PCDHAC2: variants seen among roughly 807,000 people sequenced by gnomAD.
PCDHAC2 encodes the protein protocadherin alpha-C2.
PCDHAC2 carries 24 observed loss-of-function variants against 63.3 expected under a neutral mutation model. The ratio of observed to expected loss-of-function variants is 0.38; its 90% CI spans 0.27 to 0.53. PCDHAC2 has a LOEUF of 0.53. Among genes scored for constraint, PCDHAC2 ranks in the 20% least tolerant of loss-of-function variants. The pLI, the probability that PCDHAC2 is intolerant of heterozygous loss-of-function variation, is 0.81. For missense variants in PCDHAC2, 1,181 were observed against 1,275.2 expected (o/e 0.93, Z 1.12); for synonymous variants, 569 against 529.4 (o/e 1.07, Z -1.03).
Position 141,010,780 on chromosome 5 carries a change from TGCAAAA to T in PCDHAC2, c.*851_*856del, listed in dbSNP as rs1309288663. 1 of 153,816 alleles carries T rather than the reference TGCAAAA, an allele frequency of 6.5e-6. No homozygotes were observed. The highest frequency in any genetic ancestry group is 1.9e-4 in the East Asian group (1 of 5,188). The allele number at this position is 153,816 out of a possible 1,614,324, so 9.5% of individuals were successfully genotyped here. On this transcript the variant is annotated 3_prime_UTR_variant, in exon 4 of 4. Transcript: ENST00000289269. ...AGGCCAGATCCTTTTCCAATACTTATGCAAAAGCAAAAGAAAACCCCGACACCTCAC... is the reference window on the plus strand; with the variant it reads ...AGGCCAGATCCTTTTCCAATACTTATGCAAAAGAAAACCCCGACACCTCAC...
At position 140,967,413 on chromosome 5, in the gene PCDHAC2, A is replaced by C; in HGVS notation, c.647A>C (p.Asp216Ala). Reference protein sequence around the residue: ...VLELVLRKGLDREQAALHHLV... With the variant: ...VLELVLRKGLAREQAALHHLV... The stretch of plus-strand genomic sequence containing the variant: ...GAGCTGGTGCTGCGTAAGGGCCTAG[A>C]CCGGGAGCAGGCAGCCTTGCACCAC... Residue 216 changes from aspartate to alanine, a missense_variant, in exon 1 of 4, where the codon GAC becomes GCC. This residue lies in a region of PCDHAC2 where 968 missense variants were observed against 1,073.5 expected (regional missense o/e 0.90). Coordinates refer to ENST00000289269, the MANE Select transcript of PCDHAC2 (RefSeq NM_018899.6). 1 of 1,613,218 alleles carries C rather than the reference A, an allele frequency of 6.2e-7. No homozygotes were observed. The highest frequency in any genetic ancestry group is 8.5e-7 in the Non-Finnish European group (1 of 1,179,668).
chr5:141,002,656 C>T lies in PCDHAC2; in HGVS notation c.2714-6971C>T, dbSNP rs115710244. Among the ~76,000 whole-genome samples the T allele has an allele frequency of 3.7e-3, 571 of 152,302 alleles. 5 individuals are homozygous for T. The highest frequency in any genetic ancestry group is 0.013 in the African/African-American group (539 of 41,574). On this transcript the variant is annotated intron_variant, in intron 3 of 3. Coordinates refer to ENST00000289269, the MANE Select transcript of PCDHAC2 (RefSeq NM_018899.6). The stretch of plus-strand genomic sequence containing the variant: ...CTAGAAATGTCTACTTCATAGGGCT[C>T]TTGTCAGGACCAAAACCTATACGAC...
In PCDHAC2 at chr5:140,976,256, AAC is replaced by A. The variant is rs372931931; in HGVS notation, c.2566-2689_2566-2688del. On this transcript the variant is annotated intron_variant, in intron 1 of 3. Transcript: ENST00000289269. Reference sequence around the variant, plus strand: ...TGTCATTTCATGTAAATTTATTTAAAACACAGACTTTTGGCAAGGCACAGTGG... The same window carrying A: ...TGTCATTTCATGTAAATTTATTTAAAACAGACTTTTGGCAAGGCACAGTGG... Among the ~76,000 whole-genome samples the A allele has an allele frequency of 3.2e-3, 487 of 152,352 alleles. 7 individuals carry two copies. Among genetic ancestry groups the A allele is most frequent in the Middle Eastern group, 0.01 (3 of 294 alleles).
chr5:140,966,674 G>T lies in PCDHAC2; in HGVS notation c.-93G>T. 7.7e-7 allele frequency: 1 copy of T among 1,295,168 alleles called. No homozygotes were observed. The highest frequency in any genetic ancestry group is 3.8e-5 in the Admixed American group (1 of 26,438). 80.2% of individuals were successfully genotyped at this position (1,295,168 alleles called of 1,614,324 possible). A position where few individuals can be genotyped will look rare whatever the true frequency, so the allele number is the denominator to read the frequency against. ...AGCGGTGGGGGAGCAGGCGCAGGGT[G>T]GCACGAGCGGAGGCGGGGCCCGGGC... On this transcript the variant is annotated 5_prime_UTR_variant, in exon 1 of 4. Transcript: ENST00000289269.
At chr5:141,008,582 G>A (rs1554261823) in intron 3 of PCDHAC2, among the ~76,000 whole-genome samples, 1 of 152,130 alleles carries the variant, frequency 6.6e-6, no homozygotes. Context: ...CCAAGACTCA[G>A]GGCAGATTTC....
intron 3 of PCDHAC2, among the ~76,000 whole-genome samples, chr5:140,999,654 C>T (rs180994815): frequency 1.3e-3 from 194 of 152,238 alleles, no homozygotes; most frequent in African/African-American, 4.4e-3. Context: ...AGCCTGAGCC[C>T]TGCTGGGTTG....
intron 3 of PCDHAC2, among the ~76,000 whole-genome samples, chr5:140,993,088 CTA>C (rs1420227988): frequency 6.6e-6 from 1 of 152,202 alleles, no homozygotes; most frequent in Non-Finnish European, 1.5e-5. Flanking sequence ...ATCAGCAGGG[CTA>C]TGTTTATTCA....
intron 1 of PCDHAC2, among the ~76,000 whole-genome samples, chr5:140,974,548 G>A (rs2096631054): frequency 6.6e-6 from 1 of 152,068 alleles, no homozygotes; most frequent in South Asian, 2.1e-4. Context: ...TTTTGCTCTT[G>A]TTGCCCAGGC....
intron 3 of PCDHAC2, among the ~76,000 whole-genome samples, chr5:140,992,975 T>G (rs2097535680): frequency 6.6e-6 from 1 of 152,178 alleles, no homozygotes; most frequent in Admixed American, 6.6e-5. Context: ...TGACAATGAT[T>G]AGGCCATGGG....
In PCDHAC2 at chr5:140,967,470, C is replaced by T. The variant is rs1554229592; in HGVS notation, c.704C>T (p.Pro235Leu). ...LVLTAVDGGI[P>L]ARSGTAQISV... The stretch of plus-strand genomic sequence containing the variant: ...CTCACAGCCGTGGATGGGGGCATCC[C>T]AGCCCGCTCGGGTACGGCACAGATC... The change falls in exon 1 of 4, where the codon CCA becomes CTA. Residue 235 changes from proline to leucine, a missense_variant. Coordinates refer to ENST00000289269, the MANE Select transcript of PCDHAC2 (RefSeq NM_018899.6). 2 of 1,613,462 alleles carry T rather than the reference C, an allele frequency of 1.2e-6. No individual in the cohort carries two copies. The highest frequency in any genetic ancestry group is 8.5e-7 in the Non-Finnish European group (1 of 1,179,794).
Position 141,010,316 on chromosome 5 carries a change from G to T in PCDHAC2, c.*379G>T. ...GGGCAGGCTGAAAAGTTTTGAGATT[G>T]AGCAGCTTGGGAGTTTGTGGCCACT... On this transcript the variant is annotated 3_prime_UTR_variant, in exon 4 of 4. Coordinates refer to ENST00000289269, the MANE Select transcript of PCDHAC2 (RefSeq NM_018899.6). The T allele has an allele frequency of 1.3e-6, 2 of 1,546,404 alleles. No individual in the cohort carries two copies. The highest frequency in any genetic ancestry group is 2.4e-5 in the South Asian group (2 of 83,328).
rs782197469 is a variant in PCDHAC2 at position 140,968,986 on chromosome 5, A to ATGCTGTGGAGGC, written c.2222_2233dup (p.Cys741_Gly744dup). 1.5e-5 allele frequency: 25 copies of ATGCTGTGGAGGC among 1,614,206 alleles called. No individual in the cohort carries two copies. Among genetic ancestry groups the ATGCTGTGGAGGC allele is most frequent in the Non-Finnish European group, 1.9e-5 (22 of 1,180,038 alleles). On this transcript the variant is annotated inframe_insertion, in exon 1 of 4. Transcript: ENST00000289269. ...ACCGCTACACTGCGTATGGCACTGC[A>ATGCTGTGGAGGC]TGCTGTGGAGGCTTCTGTGGAGTAA...
At chr5:140,996,755 C>T (rs1335663800) in intron 3 of PCDHAC2, among the ~76,000 whole-genome samples, 2 of 152,142 alleles carry the variant, frequency 1.3e-5, no homozygotes, top group Non-Finnish European at 2.9e-5. Context: ...TATATCTGTG[C>T]AGGACTAAAA....
Position 140,967,425 on chromosome 5 carries a change from C to T in PCDHAC2, c.659C>T (p.Ala220Val). Residue 220 changes from alanine (A) to valine (V), a missense_variant, in exon 1 of 4, where the codon GCA becomes GTA. Ala to Val is a moderately conservative substitution (Grantham distance 64). Around this residue, in one of 3 missense-constraint regions of PCDHAC2, gnomAD observed 968 missense variants for 1,073.5 expected, o/e 0.90. Coordinates refer to ENST00000289269, the MANE Select transcript of PCDHAC2 (RefSeq NM_018899.6). The part of the protein sequence containing the change: ...VLRKGLDREQ[A>V]ALHHLVLTAV... ...CGTAAGGGCCTAGACCGGGAGCAGG[C>T]AGCCTTGCACCACCTGGTTCTCACA... The T allele has an allele frequency of 6.2e-7, 1 of 1,613,294 alleles. No homozygotes were observed. Among genetic ancestry groups the T allele is most frequent in the Non-Finnish European group, 8.5e-7 (1 of 1,179,688 alleles).
chr5:141,000,417 ATATATTTTTT>A (rs2097924181), intron 3 of PCDHAC2, among the ~76,000 whole-genome samples: 1 of 77,748 alleles, frequency 1.3e-5, no homozygotes, highest in Non-Finnish European at 2.3e-5. Context: ...ATATATATAT[ATATATTTTTT>A]TTTTTTTTTT....
At chr5:140,988,856 C>G (rs1363693153) in intron 3 of PCDHAC2, 1 of 152,180 alleles carries the variant, frequency 6.6e-6, no homozygotes, top group African/African-American at 2.4e-5. Context: ...CCTATCCAGT[C>G]TCATGTGCAC....
rs112848471 is a variant in PCDHAC2, at chr5:140,995,109, C to G, written c.2713+12546C>G. ...TATCTGTGGAGATACATTCCAAGAC[C>G]CTCAGTGGATGCCTGAAACCTCATT... On this transcript the variant is annotated intron_variant, in intron 3 of 3. Transcript: ENST00000289269. Among the ~76,000 whole-genome samples, 792 of 152,268 alleles carry G rather than the reference C, an allele frequency of 5.2e-3. 8 individuals are homozygous for G. Among genetic ancestry groups the G allele is most frequent in the African/African-American group, 0.019 (770 of 41,540 alleles).
intron 2 of PCDHAC2, among the ~76,000 whole-genome samples, chr5:140,982,129 A>G (rs2153827592): frequency 6.6e-6 from 1 of 152,376 alleles, no homozygotes; most frequent in East Asian, 1.9e-4. Context: ...TTTGAGAACA[A>G]GCCCTCCTCA....
rs139745274 is a variant in PCDHAC2, at chr5:140,994,788, C to T, written c.2713+12225C>T. On this transcript the variant is annotated intron_variant, in intron 3 of 3. Coordinates refer to ENST00000289269, the MANE Select transcript of PCDHAC2 (RefSeq NM_018899.6). ...AGAATTCCAGGCAAAGGAAACAATG[C>T]GTGCATGCAAAAACAAAATACAAAA... Among the ~76,000 whole-genome samples, 132 of 152,194 alleles carry T rather than the reference C, an allele frequency of 8.7e-4. 2 individuals carry two copies. The East Asian group carries it at 0.024, about 28-fold the overall frequency.
Sources: gnomAD v4.1 joint callset for allele counts (sites outside exome capture counted in the v4.1 genomes callset) on GRCh38, gnomAD v4.1.1 for gene constraint, gnomAD v4.1.1 regional missense constraint, MANE v1.5 for transcripts, NCBI Gene and HGNC (gene_info 2026-07-23, HGNC 2026-07-21) for gene names.